The following ZBTB7C variants were observed in gnomAD, a reference collection of about 807,000 sequenced individuals.
The protein encoded by ZBTB7C is zinc finger and BTB domain containing 7C.
ZBTB7C carries 8 observed loss-of-function variants against 25.7 expected under a neutral mutation model. The ratio of observed to expected loss-of-function variants is 0.31; its 90% CI spans 0.18 to 0.56. The LOEUF (loss-of-function observed/expected upper bound fraction) is 0.56, where lower values mean the gene tolerates loss of function less well. Among genes scored for constraint, ZBTB7C ranks in the 20% least tolerant of loss-of-function variants. The pLI, the probability that ZBTB7C is intolerant of heterozygous loss-of-function variation, is 0.91. For synonymous variants in ZBTB7C, 394 were observed against 369.0 expected, an observed-to-expected ratio of 1.07 and a Z score of -0.78; for missense variants, 824 against 855.2, an observed-to-expected ratio of 0.96 and a Z score of 0.46.
chr18:48,123,327 C>A (rs995231436), intron 3 of ZBTB7C, among the ~76,000 whole-genome samples: 4 of 152,256 alleles, frequency 2.6e-5, no homozygotes, highest in Admixed American at 2.0e-4. Flanking sequence ...GGGACCCCAG[C>A]TGCTGGGAGC....
intron 1 of ZBTB7C, among the ~76,000 whole-genome samples, chr18:48,401,998 A>C (rs889028457): frequency 6.6e-6 from 1 of 152,172 alleles, no homozygotes; most frequent in Non-Finnish European, 1.5e-5. Flanking sequence ...CACACACTTC[A>C]AAAGAAGCCT....
intron 3 of ZBTB7C, among the ~76,000 whole-genome samples, chr18:48,154,484 C>T (rs1370811046): frequency 3.9e-5 from 6 of 152,320 alleles, no homozygotes; most frequent in African/African-American, 9.6e-5. Flanking sequence ...CTATAGCTGC[C>T]GTTCTTTCAT....
At chr18:48,223,593 T>C (rs1599135519) in intron 2 of ZBTB7C, among the ~76,000 whole-genome samples, 1 of 152,040 alleles carries the variant, frequency 6.6e-6, no homozygotes, top group Non-Finnish European at 1.5e-5. Context: ...GCGGGGAGTG[T>C]GTGTAGGAGG....
chr18:48,188,777 C>T (rs1255881582), intron 2 of ZBTB7C, among the ~76,000 whole-genome samples: 1 of 152,160 alleles, frequency 6.6e-6, no homozygotes, highest in Non-Finnish European at 1.5e-5. Context: ...GCTCCTATTA[C>T]ACTTTCATTG....
chr18:48,242,762 G>GAGA (rs1481357769), intron 2 of ZBTB7C, among the ~76,000 whole-genome samples: 1 of 152,122 alleles, frequency 6.6e-6, no homozygotes, highest in Admixed American at 6.5e-5. Context: ...GGGAAACATT[G>GAGA]AGACCATTTT....
chr18:48,208,504 G>C (rs73955340), intron 2 of ZBTB7C, among the ~76,000 whole-genome samples: 10 of 152,304 alleles, frequency 6.6e-5, no homozygotes, highest in African/African-American at 2.4e-4. Context: ...GGAGACAAAG[G>C]GGGTGGGGGA....
At chr18:48,108,337 C>T (rs1374454559) in intron 3 of ZBTB7C, among the ~76,000 whole-genome samples, 2 of 152,102 alleles carry the variant, frequency 1.3e-5, no homozygotes, top group African/African-American at 4.8e-5. Context: ...GGCGGGGAGG[C>T]GAGTGGGAGG....
intron 3 of ZBTB7C, among the ~76,000 whole-genome samples, chr18:48,072,075 A>G (rs755852865): frequency 2.0e-5 from 3 of 152,242 alleles, no homozygotes; most frequent in Non-Finnish European, 4.4e-5. Context: ...TACCTAAATG[A>G]TGAATCTTAC....
At chr18:48,206,426 GGGA>G (rs763762500) in intron 2 of ZBTB7C, among the ~76,000 whole-genome samples, 6 of 152,136 alleles carry the variant, frequency 3.9e-5, no homozygotes, top group Admixed American at 2.0e-4. Flanking sequence ...AGGCTGAAGT[GGGA>G]GGATCACTTG....
Position 48,204,060 on chromosome 18 carries a change from G to T in ZBTB7C, c.-78-18065C>A, listed in dbSNP as rs529374676. Among the ~76,000 whole-genome samples, 49 of 152,308 alleles carry T rather than the reference G, an allele frequency of 3.2e-4. No individual in the cohort carries two copies. The East Asian group carries it at 8.5e-3, about 26-fold the overall frequency. Reference sequence around the variant, plus strand: ...TGCTCTTGCACACCTGGGAGATGGGGGCTCCCCCTCAGGCCCTCACCCCTT... The same window carrying T: ...TGCTCTTGCACACCTGGGAGATGGGTGCTCCCCCTCAGGCCCTCACCCCTT... On this transcript the variant is annotated intron_variant, in intron 2 of 4. Transcript: ENST00000590800.
At chr18:48,192,125 G>A (rs2145163287) in intron 2 of ZBTB7C, among the ~76,000 whole-genome samples, 1 of 152,262 alleles carries the variant, frequency 6.6e-6, no homozygotes, top group East Asian at 1.9e-4. Context: ...AAAAAGAAAT[G>A]AGCAATCAAG....
At chr18:48,253,297 A>G (rs1338283385) in intron 2 of ZBTB7C, among the ~76,000 whole-genome samples, 1 of 152,202 alleles carries the variant, frequency 6.6e-6, no homozygotes, top group South Asian at 2.1e-4. Flanking sequence ...ACTTAAAAAA[A>G]TAAAGATCCA....
At chr18:48,158,181 G>A (rs188955621) in intron 3 of ZBTB7C, among the ~76,000 whole-genome samples, 1 of 152,314 alleles carries the variant, frequency 6.6e-6, no homozygotes. Context: ...TCCCAGCCCT[G>A]TTCCTCCTTT....
intron 3 of ZBTB7C, among the ~76,000 whole-genome samples, chr18:48,101,184 T>A (rs1323213164): frequency 6.6e-6 from 1 of 152,148 alleles, no homozygotes; most frequent in African/African-American, 2.4e-5. Flanking sequence ...ACAAGCATTC[T>A]CAGAGCTGCC....
chr18:48,158,774 G>T (rs993398515), intron 3 of ZBTB7C, among the ~76,000 whole-genome samples: 1 of 152,214 alleles, frequency 6.6e-6, no homozygotes. Context: ...CAAGTGAAGC[G>T]TGTCAGGCAT....
chr18:48,222,740 T>A (rs994755422), intron 2 of ZBTB7C, among the ~76,000 whole-genome samples: 2 of 152,118 alleles, frequency 1.3e-5, no homozygotes, highest in African/African-American at 4.8e-5. Context: ...GAGACCATTA[T>A]CACAATTTAC....
chr18:48,041,995 C>A (rs1239401026), intron 3 of ZBTB7C, among the ~76,000 whole-genome samples: 1 of 152,146 alleles, frequency 6.6e-6, no homozygotes, highest in Non-Finnish European at 1.5e-5. Context: ...TAAAGTATGG[C>A]CAGTGGCAGC....
chr18:48,378,313 A>G (rs2047566228), intron 1 of ZBTB7C, among the ~76,000 whole-genome samples: 1 of 152,170 alleles, frequency 6.6e-6, no homozygotes, highest in Non-Finnish European at 1.5e-5. Context: ...GATCTGCCAC[A>G]CTGAAAACAG....
intron 2 of ZBTB7C, among the ~76,000 whole-genome samples, chr18:48,230,059 A>C (rs1420524754): frequency 6.6e-6 from 1 of 152,222 alleles, no homozygotes; most frequent in Non-Finnish European, 1.5e-5. Flanking sequence ...TGCATTTTCT[A>C]AATAAAATCA....
Sources: allele counts gnomAD v4.1 joint callset (sites outside exome capture counted in the v4.1 genomes callset), GRCh38; gene constraint gnomAD v4.1.1; transcripts MANE v1.5; gene names NCBI Gene and HGNC (gene_info 2026-07-23, HGNC 2026-07-21).